Variants in KPNA1 observed in about 807,000 individuals in gnomAD.
KPNA1 encodes the protein karyopherin subunit alpha 1, also known as importin subunit alpha-5.
In KPNA1, 10 loss-of-function variants were observed where a neutral mutation model predicts 70.5. That is an observed-to-expected ratio of 0.14 (90% confidence interval 0.09 to 0.24). The LOEUF is 0.24. Ranked by LOEUF, KPNA1 falls within the 10% of genes least tolerant of loss-of-function variation. The pLI is 1.00. For missense variants in KPNA1, 397 were observed against 637.9 expected (o/e 0.62, Z 4.07); for synonymous variants, 192 against 221.9 (o/e 0.87, Z 1.20).
chr3:122,504,636 C>CTG (rs915158070), intron 1 of KPNA1, among the ~76,000 whole-genome samples: 2 of 151,972 alleles, frequency 1.3e-5, no homozygotes, highest in South Asian at 2.1e-4. Flanking sequence ...AAGAAACTGT[C>CTG]TGTGTGTGTG....
At chr3:122,461,567 C>T (rs991560977) in intron 4 of KPNA1, among the ~76,000 whole-genome samples, 3 of 152,122 alleles carry the variant, frequency 2.0e-5, no homozygotes, top group African/African-American at 7.2e-5. Flanking sequence ...TAAATTACTG[C>T]CTCCACTTTT....
chr3:122,509,330 T>A (rs1285753896), intron 1 of KPNA1, among the ~76,000 whole-genome samples: 1 of 151,738 alleles, frequency 6.6e-6, no homozygotes, highest in Admixed American at 6.6e-5. Context: ...AGTAGGCACA[T>A]ACACTAATTC....
At chr3:122,460,409 G>A in intron 5 of KPNA1, 2 of 669,230 alleles carry the variant, frequency 3.0e-6, no homozygotes, top group Non-Finnish European at 3.7e-6. Flanking sequence ...AGGCCAAGCA[G>A]GTGGATCACT....
intron 4 of KPNA1, 142 bp from the exon 5 acceptor site, chr3:122,461,460 T>C (rs2076323139): frequency 3.4e-6 from 2 of 585,716 alleles, no homozygotes; most frequent in Non-Finnish European, 6.1e-6. Context: ...AAATGTCAAA[T>C]TGGGTTTATC....
intron 2 of KPNA1, among the ~76,000 whole-genome samples, chr3:122,492,183 T>C (rs1447591516): frequency 2.6e-5 from 4 of 152,188 alleles, no homozygotes; most frequent in Non-Finnish European, 5.9e-5. Context: ...TTAACTATGC[T>C]TTCTTTCCAA....
chr3:122,485,009 T>C (rs7637324), intron 2 of KPNA1, among the ~76,000 whole-genome samples: 92,146 of 152,020 alleles, frequency 0.61, 28,262 homozygotes, highest in East Asian at 0.77. Context: ...GCAATCCTTC[T>C]ACCTCGGCCT....
intron 10 of KPNA1, among the ~76,000 whole-genome samples, chr3:122,439,921 G>C (rs2076040899): frequency 6.6e-6 from 1 of 152,054 alleles, no homozygotes; most frequent in Admixed American, 6.6e-5. Context: ...CCTGAAATAG[G>C]AAAAATAAAA....
intron 2 of KPNA1, among the ~76,000 whole-genome samples, chr3:122,481,737 T>C (rs2076573467): frequency 6.6e-6 from 1 of 152,140 alleles, no homozygotes. Context: ...AAAGCTGGAG[T>C]GACTGTATTG....
At chr3:122,451,243 A>G (rs965905061) in intron 8 of KPNA1, among the ~76,000 whole-genome samples, 3 of 152,326 alleles carry the variant, frequency 2.0e-5, no homozygotes, top group Middle Eastern at 3.4e-3. Context: ...CCTAAACAGT[A>G]TACTAATTGT....
At chr3:122,442,551 A>G (rs1293151424) in intron 9 of KPNA1, among the ~76,000 whole-genome samples, 2 of 152,212 alleles carry the variant, frequency 1.3e-5, no homozygotes, top group African/African-American at 4.8e-5. Context: ...AACTAACTTG[A>G]AAATGCAAGT....
chr3:122,490,044 C>T (rs2076679816), intron 2 of KPNA1, among the ~76,000 whole-genome samples: 2 of 152,218 alleles, frequency 1.3e-5, no homozygotes. Context: ...GTGTAAGTAC[C>T]AGGCACTGTT....
At chr3:122,502,937 A>C (rs1164294494) in intron 1 of KPNA1, among the ~76,000 whole-genome samples, 2 of 152,080 alleles carry the variant, frequency 1.3e-5, no homozygotes, top group Non-Finnish European at 2.9e-5. Context: ...CTCCACAAAA[A>C]ATACAAAAAA....
At chr3:122,429,560 T>C (rs2075872595) in intron 12 of KPNA1, among the ~76,000 whole-genome samples, 1 of 144,374 alleles carries the variant, frequency 6.9e-6, no homozygotes, top group African/African-American at 2.5e-5. Context: ...ACTGATGATC[T>C]AAAAAAAAAA....
chr3:122,480,083 T>G (rs1370803720), intron 2 of KPNA1, among the ~76,000 whole-genome samples: 1 of 152,206 alleles, frequency 6.6e-6, no homozygotes, highest in Non-Finnish European at 1.5e-5. Flanking sequence ...ACACATTGTA[T>G]GATTCCAACT....
rs758574828 is a variant in KPNA1, at chr3:122,467,406, A to C, written c.153T>G (p.Ala51=). The C allele has an allele frequency of 3.1e-6, 5 of 1,609,170 alleles. No homozygotes were observed. Among genetic ancestry groups the C allele is most frequent in the Non-Finnish European group, 4.2e-6 (5 of 1,176,650 alleles). ...EEQLFKRRNV[A]TAEEETEEEV... ...CTTCTTCTGTTTCTTCTTCTGCTGT[A>C]GCAACATTTCTCCGCTTGAATAACT... Residue 51 remains alanine (A), a synonymous_variant, in exon 3 of 14, where the codon GCT becomes GCG. Transcript: ENST00000344337.
At position 122,426,527 on chromosome 3, in the gene KPNA1, G is replaced by A. The variant is rs573961161; in HGVS notation, c.*458C>T. 1 of 153,508 alleles carries A rather than the reference G, an allele frequency of 6.5e-6. No homozygotes were observed. Among genetic ancestry groups the A allele is most frequent in the Admixed American group, 6.5e-5 (1 of 15,370 alleles). 9.5% of individuals were successfully genotyped at this position (153,508 alleles called of 1,614,324 possible). ...AAGAACTCATGAAAAGTACTCTGAA[G>A]TATACACAACAGGTCTAAACATCTC... On this transcript the variant is annotated 3_prime_UTR_variant, in exon 14 of 14. Coordinates refer to ENST00000344337, the MANE Select transcript of KPNA1 (RefSeq NM_002264.4).
rs2075828786 is a variant in KPNA1 at position 122,426,778 on chromosome 3, C to T, written c.*207G>A. On this transcript the variant is annotated 3_prime_UTR_variant, in exon 14 of 14. Transcript: ENST00000344337. ...AAAAGAGAGTGGGCCGTTCTGGTTA[C>T]CCTTTTATTAGAAGGGTATTCCACC... The T allele has an allele frequency of 2.1e-6, 1 of 470,982 alleles. No individual in the cohort carries two copies. Among genetic ancestry groups the T allele is most frequent in the Admixed American group, 3.7e-5 (1 of 27,152 alleles). The allele number at this position is 470,982 out of a possible 1,614,324, so 29.2% of individuals were successfully genotyped here.
intron 5 of KPNA1, chr3:122,457,888 T>TA: frequency 7.8e-7 from 1 of 1,282,250 alleles, no homozygotes; most frequent in South Asian, 1.2e-5. Flanking sequence ...ATCAGAAAAA[T>TA]AAACCCAGAT....
intron 2 of KPNA1, among the ~76,000 whole-genome samples, chr3:122,478,744 A>T (rs1359642847): frequency 6.6e-6 from 1 of 150,870 alleles, no homozygotes; most frequent in South Asian, 2.1e-4. Context: ...AAAAAAAAAA[A>T]ATTAGCCAGG....
Sources: gnomAD v4.1 joint callset for allele counts (sites outside exome capture counted in the v4.1 genomes callset) on GRCh38, gnomAD v4.1.1 for gene constraint, MANE v1.5 for transcripts, NCBI Gene and HGNC (gene_info 2026-07-23, HGNC 2026-07-21) for gene names.